Variants in SOX11 observed in about 807,000 individuals in gnomAD.
The protein encoded by SOX11 is SRY-box transcription factor 11, also known as transcription factor SOX-11.
Under a neutral mutation model 16.7 loss-of-function variants are expected in SOX11, and 5 were observed. The ratio of observed to expected loss-of-function variants is 0.30; its 90% CI spans 0.16 to 0.63. The LOEUF is 0.63. SOX11 is among the 20% of genes least tolerant of loss of function. The pLI is 0.82. For synonymous variants in SOX11, 363 were observed against 298.8 expected (o/e 1.21, Z -2.22); for missense variants, 492 against 641.5 (o/e 0.77, Z 2.52).
In SOX11 at chr2:5,696,932, G is replaced by C. The variant is rs889856297; in HGVS notation, c.*2885G>C. On this transcript the variant is annotated 3_prime_UTR_variant, in exon 1 of 1. Coordinates refer to ENST00000322002, the MANE Select transcript of SOX11 (RefSeq NM_003108.4). ...GGAGCCTCCTGGGGGCTCCGGCGGC[G>C]GCGCGGGCGCGACCCATCCCGCTGG... The C allele has an allele frequency of 6.3e-6, 1 of 159,794 alleles. No individual in the cohort carries two copies. The highest frequency in any genetic ancestry group is 2.0e-4 in the East Asian group (1 of 5,096). 9.9% of individuals were successfully genotyped at this position (159,794 alleles called of 1,614,324 possible).
chr2:5,692,663 G>A lies in SOX11; in HGVS notation c.-59G>A, dbSNP rs1665654245. 1 of 1,425,176 alleles carries A rather than the reference G, an allele frequency of 7.0e-7. No individual in the cohort carries two copies. The highest frequency in any genetic ancestry group is 2.5e-5 in the East Asian group (1 of 40,634). The allele number at this position is 1,425,176 out of a possible 1,614,324, so 88.3% of individuals were successfully genotyped here. ...GAAGGTGGAGGGGTGGGAGGGGGAG[G>A]GGGACCTCCGCACGAGACCCAGCGG... is the stretch of plus-strand genomic sequence containing the variant. On this transcript the variant is annotated 5_prime_UTR_variant, in exon 1 of 1. Transcript: ENST00000322002.
At position 5,700,970 on chromosome 2, in the gene SOX11, C is replaced by T. The variant is rs868031818; in HGVS notation, c.*6923C>T. 1.2e-5 allele frequency: 2 copies of T among 166,688 alleles called. No individual in the cohort carries two copies. The highest frequency in any genetic ancestry group is 2.9e-5 in the Non-Finnish European group (2 of 68,116). The allele number at this position is 166,688 out of a possible 1,614,324, so 10.3% of individuals were successfully genotyped here. A position where few individuals can be genotyped will look rare whatever the true frequency, so the allele number is the denominator to read the frequency against. On this transcript the variant is annotated 3_prime_UTR_variant, in exon 1 of 1. Transcript: ENST00000322002. ...TTGCATGCCAGCGCACGGCCTATTG[C>T]TGTGAAACAGAGAGAAGGTAAAGCT...
chr2:5,699,968 C>A lies in SOX11; in HGVS notation c.*5921C>A, dbSNP rs1464241968. On this transcript the variant is annotated 3_prime_UTR_variant, in exon 1 of 1. Transcript: ENST00000322002. ...ATAAAACGGCTTACAAAGGGAGACA[C>A]AAGCTCATAATGTTCCATGTATAAA... 6.0e-6 allele frequency: 1 copy of A among 166,998 alleles called. No homozygotes were observed. Among genetic ancestry groups the A allele is most frequent in the Non-Finnish European group, 1.5e-5 (1 of 68,106 alleles). The allele number at this position is 166,998 out of a possible 1,614,324, so 10.3% of individuals were successfully genotyped here. A position where few individuals can be genotyped will look rare whatever the true frequency, so the allele number is the denominator to read the frequency against.
Position 5,694,507 on chromosome 2 carries a change from GGTCTTTGAA to G in SOX11, c.*465_*473del, listed in dbSNP as rs1665694820. ...CGGAAGGCGCTGTTTGAAGCTTGTC[GGTCTTTGAA>G]GTCTGGAAGACGTCTGCAGAGGACC... On this transcript the variant is annotated 3_prime_UTR_variant, in exon 1 of 1. Coordinates refer to ENST00000322002, the MANE Select transcript of SOX11 (RefSeq NM_003108.4). The G allele has an allele frequency of 3.2e-6, 1 of 311,360 alleles. No individual in the cohort carries two copies. Among genetic ancestry groups the G allele is most frequent in the African/African-American group, 2.2e-5 (1 of 46,378 alleles). 19.3% of individuals were successfully genotyped at this position (311,360 alleles called of 1,614,324 possible). A position where few individuals can be genotyped will look rare whatever the true frequency, so the allele number is the denominator to read the frequency against.
rs1308454437 is a variant in SOX11, at chr2:5,700,530, C to T, written c.*6483C>T. The stretch of plus-strand genomic sequence containing the variant: ...CATTTTTCTTCATCCAGCTTTTGTT[C>T]AAAAACAGTATGCCTCCTCCCTTGA... On this transcript the variant is annotated 3_prime_UTR_variant, in exon 1 of 1. Coordinates refer to ENST00000322002, the MANE Select transcript of SOX11 (RefSeq NM_003108.4). The T allele has an allele frequency of 6.0e-6, 1 of 166,798 alleles. No homozygotes were observed. Among genetic ancestry groups the T allele is most frequent in the East Asian group, 1.9e-4 (1 of 5,166 alleles). 10.3% of individuals were successfully genotyped at this position (166,798 alleles called of 1,614,324 possible).
At position 5,693,615 on chromosome 2, in the gene SOX11, G is replaced by C; in HGVS notation, c.894G>C (p.Arg298=). The change falls in exon 1 of 1, where the codon CGG becomes CGC. Residue 298 remains arginine, a synonymous_variant. Coordinates refer to ENST00000322002, the MANE Select transcript of SOX11 (RefSeq NM_003108.4). The surrounding 1 kb of genome is among the most constrained non-coding windows in gnomAD (Gnocchi z 8.6). ...PEGASLYDEV[R]AGATSGAGGG... is the part of the protein sequence containing the mutation. ...GAGCGAGCCTCTACGACGAGGTGCGGGCCGGCGCGACCTCGGGCGCCGGGG... is the reference window on the plus strand; with the variant it reads ...GAGCGAGCCTCTACGACGAGGTGCGCGCCGGCGCGACCTCGGGCGCCGGGG... 1 of 1,569,768 alleles carries C rather than the reference G, an allele frequency of 6.4e-7. No homozygotes were observed. Among genetic ancestry groups the C allele is most frequent in the Non-Finnish European group, 8.6e-7 (1 of 1,165,506 alleles).
rs553035936 is a variant in SOX11, at chr2:5,694,528, G to C, written c.*481G>C. The C allele has an allele frequency of 2.4e-4, 70 of 286,500 alleles. No homozygotes were observed. The highest frequency in any genetic ancestry group is 6.8e-4 in the South Asian group (4 of 5,874). The allele number at this position is 286,500 out of a possible 1,614,324, so 17.7% of individuals were successfully genotyped here. ...TGTCGGTCTTTGAAGTCTGGAAGAC[G>C]TCTGCAGAGGACCCTTTTGGCAGCA... On this transcript the variant is annotated 3_prime_UTR_variant, in exon 1 of 1. Coordinates refer to ENST00000322002, the MANE Select transcript of SOX11 (RefSeq NM_003108.4).
chr2:5,693,060 C>T lies in SOX11; in HGVS notation c.339C>T (p.Tyr113=), dbSNP rs369715110. ...ERLRLKHMAD[Y]PDYKYRPRKK... ...TGCGGCTCAAGCACATGGCCGACTA[C>T]CCCGACTACAAGTACCGGCCCCGGA... is the stretch of plus-strand genomic sequence containing the variant. The change falls in exon 1 of 1, where the codon TAC becomes TAT. Residue 113 remains tyrosine (Y), a synonymous_variant. Transcript: ENST00000322002. This position sits in a 1 kb window ranked among gnomAD's most constrained non-coding sequence, Gnocchi z 8.6. 82 of 1,614,096 alleles carry T rather than the reference C, an allele frequency of 5.1e-5. No individual in the cohort carries two copies. In the East Asian group the frequency reaches 1.7e-3, roughly 33 times the overall value.
rs569360239 is a variant in SOX11 at position 5,695,681 on chromosome 2, C to T, written c.*1634C>T. 6.0e-6 allele frequency: 1 copy of T among 166,442 alleles called. No homozygotes were observed. The highest frequency in any genetic ancestry group is 1.9e-4 in the East Asian group (1 of 5,138). The allele number at this position is 166,442 out of a possible 1,614,324, so 10.3% of individuals were successfully genotyped here. A position where few individuals can be genotyped will look rare whatever the true frequency, so the allele number is the denominator to read the frequency against. Reference sequence around the variant, plus strand: ...TCTCTATGGAAGTCAAACTGGAGGTCCTGTTGTCGCAGAGCATTCGGTGGT... The same window carrying T: ...TCTCTATGGAAGTCAAACTGGAGGTTCTGTTGTCGCAGAGCATTCGGTGGT... On this transcript the variant is annotated 3_prime_UTR_variant, in exon 1 of 1. Coordinates refer to ENST00000322002, the MANE Select transcript of SOX11 (RefSeq NM_003108.4).
At position 5,693,629 on chromosome 2, in the gene SOX11, C is replaced by T. The variant is rs1252447458; in HGVS notation, c.908C>T (p.Ser303Leu). 8 of 1,576,044 alleles carry T rather than the reference C, an allele frequency of 5.1e-6. No homozygotes were observed. The highest frequency in any genetic ancestry group is 1.4e-5 in the African/African-American group (1 of 73,992). Residue 303 changes from serine to leucine, a missense_variant, in exon 1 of 1, where the codon TCG (serine) becomes TTG (leucine). Around this residue, in one of 4 missense-constraint regions of SOX11, gnomAD observed 389 missense variants for 389.0 expected, o/e 1.00. Transcript: ENST00000322002. This position sits in a 1 kb window ranked among gnomAD's most constrained non-coding sequence, Gnocchi z 8.6. ...LYDEVRAGAT[S>L]GAGGGSRLYY... The stretch of plus-strand genomic sequence containing the variant: ...GACGAGGTGCGGGCCGGCGCGACCT[C>T]GGGCGCCGGGGGCGGCAGCCGCCTC...
In SOX11 at chr2:5,696,555, G is replaced by T; in HGVS notation, c.*2508G>T. The T allele has an allele frequency of 6.5e-6, 1 of 153,988 alleles. No individual in the cohort carries two copies. 9.5% of individuals were successfully genotyped at this position (153,988 alleles called of 1,614,324 possible). A position where few individuals can be genotyped will look rare whatever the true frequency, so the allele number is the denominator to read the frequency against. ...AGGGCGTGGGGAGCAGGGGGTGGCA[G>T]AGGGCACCCGGGCGGTAGTCCGGGA... On this transcript the variant is annotated 3_prime_UTR_variant, in exon 1 of 1. Transcript: ENST00000322002.
chr2:5,692,683 C>T lies in SOX11; in HGVS notation c.-39C>T. 1 of 1,508,346 alleles carries T rather than the reference C, an allele frequency of 6.6e-7. No homozygotes were observed. Among genetic ancestry groups the T allele is most frequent in the South Asian group, 1.3e-5 (1 of 75,020 alleles). The allele number at this position is 1,508,346 out of a possible 1,614,324, so 93.4% of individuals were successfully genotyped here. On this transcript the variant is annotated 5_prime_UTR_variant, in exon 1 of 1. Coordinates refer to ENST00000322002, the MANE Select transcript of SOX11 (RefSeq NM_003108.4). ...GGGAGGGGGACCTCCGCACGAGACCCAGCGGCCCGGGTTGGAGCGTCCAGC... is the reference window on the plus strand; with the variant it reads ...GGGAGGGGGACCTCCGCACGAGACCTAGCGGCCCGGGTTGGAGCGTCCAGC...
In SOX11 at chr2:5,699,709, CTT is replaced by C. The variant is rs60344356; in HGVS notation, c.*5679_*5680del. On this transcript the variant is annotated 3_prime_UTR_variant, in exon 1 of 1. Coordinates refer to ENST00000322002, the MANE Select transcript of SOX11 (RefSeq NM_003108.4). ...TCTCTTCCATTTTACTTACTGCTGG[CTT>C]TTTTTTTTTTTTTTTTCCTTGATTC... 0.013 allele frequency: 1,774 copies of C among 141,628 alleles called. 29 individuals carry two copies. Among genetic ancestry groups the C allele is most frequent in the African/African-American group, 0.04 (1,457 of 36,558 alleles). The allele number at this position is 141,628 out of a possible 1,614,324, so 8.8% of individuals were successfully genotyped here.
At position 5,698,199 on chromosome 2, in the gene SOX11, C is replaced by T. The variant is rs150547978; in HGVS notation, c.*4152C>T. 6.0e-6 allele frequency: 1 copy of T among 167,160 alleles called. No individual in the cohort carries two copies. The highest frequency in any genetic ancestry group is 1.5e-5 in the Non-Finnish European group (1 of 68,106). 10.4% of individuals were successfully genotyped at this position (167,160 alleles called of 1,614,324 possible). On this transcript the variant is annotated 3_prime_UTR_variant, in exon 1 of 1. Transcript: ENST00000322002. ...GTTGTGAGAATCATCTTAATGAATT[C>T]TTTATTGAGTGTCTAAAACATAGTA...
rs1006489041 is a variant in SOX11, at chr2:5,697,356, A to T, written c.*3309A>T. The stretch of plus-strand genomic sequence containing the variant: ...CGAGACCGAATGGAAGCGTCCGCAC[A>T]GTAACTGCAGCTGCTAGGCCAGAGG... On this transcript the variant is annotated 3_prime_UTR_variant, in exon 1 of 1. Coordinates refer to ENST00000322002, the MANE Select transcript of SOX11 (RefSeq NM_003108.4). 1 of 167,084 alleles carries T rather than the reference A, an allele frequency of 6.0e-6. No homozygotes were observed. The highest frequency in any genetic ancestry group is 1.5e-5 in the Non-Finnish European group (1 of 68,188). The allele number at this position is 167,084 out of a possible 1,614,324, so 10.4% of individuals were successfully genotyped here.
rs1194251434 is a variant in SOX11, at chr2:5,692,588, AG to A, written c.-127del. On this transcript the variant is annotated 5_prime_UTR_variant, in exon 1 of 1. Coordinates refer to ENST00000322002, the MANE Select transcript of SOX11 (RefSeq NM_003108.4). Reference sequence around the variant, plus strand: ...CAGCCTGGAAGGGGGGGCGGGGGGGAGGGGGGGAGCCGCGAAAGCGGGGTGC... The same window carrying A: ...CAGCCTGGAAGGGGGGGCGGGGGGGAGGGGGGAGCCGCGAAAGCGGGGTGC... 206 of 378,796 alleles carry A rather than the reference AG, an allele frequency of 5.4e-4. 1 individual carries two copies. Among genetic ancestry groups the A allele is most frequent in the East Asian group, 3.7e-3 (85 of 22,906 alleles). 23.5% of individuals were successfully genotyped at this position (378,796 alleles called of 1,614,324 possible). A position where few individuals can be genotyped will look rare whatever the true frequency, so the allele number is the denominator to read the frequency against.
rs922773617 is a variant in SOX11 at position 5,696,696 on chromosome 2, C to T, written c.*2649C>T. ...CCCTTGAGGCGCGCGGAGACACCAG[C>T]GCTGGCTTCCCGGGCCCGCGGGCCG... On this transcript the variant is annotated 3_prime_UTR_variant, in exon 1 of 1. Transcript: ENST00000322002. The T allele has an allele frequency of 2.0e-5, 3 of 151,872 alleles. No homozygotes were observed. The highest frequency in any genetic ancestry group is 4.1e-4 in the South Asian group (2 of 4,820). The allele number at this position is 151,872 out of a possible 1,614,324, so 9.4% of individuals were successfully genotyped here.
At position 5,700,492 on chromosome 2, in the gene SOX11, G is replaced by A. The variant is rs562198757; in HGVS notation, c.*6445G>A. 1 of 165,702 alleles carries A rather than the reference G, an allele frequency of 6.0e-6. No homozygotes were observed. Among genetic ancestry groups the A allele is most frequent in the African/African-American group, 2.4e-5 (1 of 41,020 alleles). 10.3% of individuals were successfully genotyped at this position (165,702 alleles called of 1,614,324 possible). On this transcript the variant is annotated 3_prime_UTR_variant, in exon 1 of 1. Coordinates refer to ENST00000322002, the MANE Select transcript of SOX11 (RefSeq NM_003108.4). ...TTTTGATCAAATAGATATTGACAAA[G>A]GGCCCTCTGTCACATTTTTCTTCAT...
chr2:5,693,634 G>T lies in SOX11; in HGVS notation c.913G>T (p.Ala305Ser), dbSNP rs773641572. 6.3e-7 allele frequency: 1 copy of T among 1,579,434 alleles called. No homozygotes were observed. The highest frequency in any genetic ancestry group is 1.1e-5 in the South Asian group (1 of 88,624). ...DEVRAGATSG[A>S]GGGSRLYYSF... The stretch of plus-strand genomic sequence containing the variant: ...GGTGCGGGCCGGCGCGACCTCGGGC[G>T]CCGGGGGCGGCAGCCGCCTCTACTA... Residue 305 changes from alanine (A) to serine (S), a missense_variant, in exon 1 of 1, where the codon GCC (alanine) becomes TCC (serine). Physicochemically the swap from Ala to Ser is moderately conservative, Grantham distance 99 (BLOSUM62 1). Coordinates refer to ENST00000322002, the MANE Select transcript of SOX11 (RefSeq NM_003108.4). The surrounding 1 kb of genome is among the most constrained non-coding windows in gnomAD (Gnocchi z 8.6).
Sources: allele counts gnomAD v4.1 joint callset, GRCh38; gene constraint gnomAD v4.1.1; regional missense constraint gnomAD v4.1.1; non-coding constraint Gnocchi (gnomAD v3.1); transcripts MANE v1.5; gene names NCBI Gene and HGNC (gene_info 2026-07-23, HGNC 2026-07-21).